The following DLGAP2 variants were observed in gnomAD, a reference collection of about 807,000 sequenced individuals.
The protein encoded by DLGAP2 is disks large-associated protein 2.
A neutral mutation model predicts 100.3 loss-of-function variants in DLGAP2; 26 were observed. The ratio of observed to expected loss-of-function variants is 0.26; its 90% CI spans 0.19 to 0.36. The LOEUF (loss-of-function observed/expected upper bound fraction) is 0.36. Among genes scored for constraint, DLGAP2 ranks in the 10% least tolerant of loss-of-function variants. DLGAP2 has a pLI of 1.00. For synonymous variants in DLGAP2, 886 were observed against 630.1 expected (o/e 1.41, Z -6.08); for missense variants, 1,858 against 1,453.2 (o/e 1.28, Z -4.53).
intron 2 of DLGAP2, among the ~76,000 whole-genome samples, chr8:1,170,163 C>A (rs961114962): frequency 7.2e-5 from 11 of 152,126 alleles, no homozygotes; most frequent in Non-Finnish European, 1.0e-4. Context: ...GTCTTTGGTT[C>A]TGTTTATATG....
rs75577266 is a variant in DLGAP2 at position 786,981 on chromosome 8, T to G, written c.18+49156T>G. On this transcript the variant is annotated intron_variant, in intron 1 of 14. Coordinates refer to ENST00000637795, the MANE Select transcript of DLGAP2 (RefSeq NM_001346810.2). ...AAGGCAGAAGGCAGGTTTGGTCCTG[T>G]CAGATTCTAACCAGGAACAAGACCT... is the stretch of plus-strand genomic sequence containing the variant. Among the ~76,000 whole-genome samples, 338 of 152,298 alleles carry G rather than the reference T, an allele frequency of 2.2e-3. 1 individual carries two copies. Among genetic ancestry groups the G allele is most frequent in the African/African-American group, 7.7e-3 (320 of 41,558 alleles).
At chr8:1,029,586 C>T (rs561551929) in intron 2 of DLGAP2, among the ~76,000 whole-genome samples, 14 of 131,326 alleles carry the variant, frequency 1.1e-4, no homozygotes, top group African/African-American at 4.4e-4. Context: ...TGGCCAAGGG[C>T]GTCCAGTGGT....
At chr8:1,671,771 C>T (rs1283280968) in intron 10 of DLGAP2, among the ~76,000 whole-genome samples, 5 of 152,218 alleles carry the variant, frequency 3.3e-5, no homozygotes, top group African/African-American at 1.2e-4. Flanking sequence ...GCCCCGGCCA[C>T]CTGAGTCTGG....
At chr8:1,040,046 GGCTCGGTGTGCGTGGTCA>G (rs1802280807) in intron 2 of DLGAP2, among the ~76,000 whole-genome samples, 1 of 122,740 alleles carries the variant, frequency 8.1e-6, no homozygotes, top group African/African-American at 3.1e-5. Context: ...GTGCATGGTC[GGCTCGGTGTGCGTGGTCA>G]GCTCGGTTTC....
chr8:1,363,906 C>T (rs777778391), intron 3 of DLGAP2, among the ~76,000 whole-genome samples: 83 of 152,132 alleles, frequency 5.5e-4, no homozygotes, highest in Non-Finnish European at 3.2e-4. Context: ...GAGGTTGTGC[C>T]GGCTGGGGGG....
chr8:1,320,537 G>A (rs565625277), intron 3 of DLGAP2, among the ~76,000 whole-genome samples: 34 of 152,186 alleles, frequency 2.2e-4, no homozygotes, highest in Admixed American at 3.9e-4. Context: ...TGGGTCCCAC[G>A]TGATGTGATA....
At chr8:999,569 T>C (rs1800883689) in intron 2 of DLGAP2, among the ~76,000 whole-genome samples, 1 of 151,718 alleles carries the variant, frequency 6.6e-6, no homozygotes, top group Admixed American at 6.6e-5. Flanking sequence ...AACTCCACCT[T>C]GTAGGCTCAA....
intron 2 of DLGAP2, among the ~76,000 whole-genome samples, chr8:1,144,270 C>T (rs1796569170): frequency 6.6e-6 from 1 of 152,148 alleles, no homozygotes; most frequent in Non-Finnish European, 1.5e-5. Context: ...ATGGAGAAGG[C>T]GGTGGAGCAT....
At chr8:1,158,427 T>A (rs1367039228) in intron 2 of DLGAP2, among the ~76,000 whole-genome samples, 1 of 152,252 alleles carries the variant, frequency 6.6e-6, no homozygotes, top group Non-Finnish European at 1.5e-5. Flanking sequence ...GATTGCCAAC[T>A]TTTACTGTAT....
chr8:1,175,359 C>G (rs1046317927), intron 2 of DLGAP2, among the ~76,000 whole-genome samples: 1 of 152,148 alleles, frequency 6.6e-6, no homozygotes, highest in South Asian at 2.1e-4. Flanking sequence ...CACATCTAAT[C>G]TAAAAGAGTC....
At chr8:946,974 G>GGTAGCAGCAC (rs1401000634) in intron 2 of DLGAP2, among the ~76,000 whole-genome samples, 1 of 152,168 alleles carries the variant, frequency 6.6e-6, no homozygotes, top group Non-Finnish European at 1.5e-5. Context: ...TGGGACGTCG[G>GGTAGCAGCAC]GTAGCAGCAC....
At chr8:1,114,411 C>A (rs1016994671) in intron 2 of DLGAP2, among the ~76,000 whole-genome samples, 1 of 152,078 alleles carries the variant, frequency 6.6e-6, no homozygotes, top group Non-Finnish European at 1.5e-5. Flanking sequence ...TCAGCTTCTT[C>A]CTGGTTCAGT....
At chr8:1,640,146 C>G (rs1455695125) in intron 8 of DLGAP2, among the ~76,000 whole-genome samples, 1 of 152,160 alleles carries the variant, frequency 6.6e-6, no homozygotes, top group Non-Finnish European at 1.5e-5. Flanking sequence ...AGGCACTGAC[C>G]CAAGGGGAAC....
intron 3 of DLGAP2, among the ~76,000 whole-genome samples, chr8:1,312,547 C>T (rs1033344): frequency 0.32 from 48,402 of 151,908 alleles, 8,000 homozygotes; most frequent in South Asian, 0.46. Context: ...GGAGAGGGAA[C>T]GGGAGTTATT....
rs763974651 is a variant in DLGAP2, at chr8:1,632,888, T to C, written c.1652T>C (p.Val551Ala). ...GTGTGCGAGTCCGTCTTCAGTGAAG[T>C]TGAATCTCAGGCCATGGATGCCCTC... is the stretch of plus-strand genomic sequence containing the variant. ...ESVCESVFSE[V>A]ESQAMDALDL... is the part of the protein sequence containing the mutation. Residue 551 changes from valine to alanine, a missense_variant, in exon 8 of 15, where the codon GTT becomes GCT. Coordinates refer to ENST00000637795, the MANE Select transcript of DLGAP2 (RefSeq NM_001346810.2). The C allele has an allele frequency of 1.9e-6, 3 of 1,613,962 alleles. No homozygotes were observed. The highest frequency in any genetic ancestry group is 1.1e-5 in the South Asian group (1 of 91,082).
chr8:1,695,448 G>A (rs1321545487), intron 13 of DLGAP2, among the ~76,000 whole-genome samples: 12 of 141,776 alleles, frequency 8.5e-5, no homozygotes, highest in Non-Finnish European at 1.5e-4. Flanking sequence ...CCTACAGAAA[G>A]AGGGGGCACA....
rs191663481 is a variant in DLGAP2 at position 1,117,227 on chromosome 8, C to T, written c.74-141624C>T. 4.6e-5 allele frequency among the ~76,000 whole-genome samples: 7 copies of T among 152,324 alleles called. No individual in the cohort carries two copies. In the East Asian group the frequency reaches 1.4e-3, roughly 29 times the overall value. On this transcript the variant is annotated intron_variant, in intron 2 of 14. Coordinates refer to ENST00000637795, the MANE Select transcript of DLGAP2 (RefSeq NM_001346810.2). ...TGAGCCTGTGGACAAAGCACAGTGCCGAGCTAGTGCCTCGGGGCTGTGCCC... is the reference window on the plus strand; with the variant it reads ...TGAGCCTGTGGACAAAGCACAGTGCTGAGCTAGTGCCTCGGGGCTGTGCCC...
rs1176960788 is a variant in DLGAP2, at chr8:1,526,755, T to C, written c.173-21871T>C. Among the ~76,000 whole-genome samples, 8 of 152,238 alleles carry C rather than the reference T, an allele frequency of 5.3e-5. No individual in the cohort carries two copies. The East Asian group carries it at 1.6e-3, about 30-fold the overall frequency. On this transcript the variant is annotated intron_variant, in intron 4 of 14. Transcript: ENST00000637795. Reference sequence around the variant, plus strand: ...CAAGAGAGGAAGGAGGGAGCTGCAGTGGTGTGAGCTACGTCTATCCCTGTT... The same window carrying C: ...CAAGAGAGGAAGGAGGGAGCTGCAGCGGTGTGAGCTACGTCTATCCCTGTT...
At chr8:1,647,445 C>T (rs141297711) in intron 8 of DLGAP2, among the ~76,000 whole-genome samples, 21,776 of 135,432 alleles carry the variant, frequency 0.16, 2,548 homozygotes, top group African/African-American at 0.34. Context: ...GCCGAGATCG[C>T]GCCACTGCAC....
Sources: allele counts gnomAD v4.1 joint callset (sites outside exome capture counted in the v4.1 genomes callset), GRCh38; gene constraint gnomAD v4.1.1; transcripts MANE v1.5; gene names NCBI Gene and HGNC (gene_info 2026-07-23, HGNC 2026-07-21).